Variants in ERICH1 observed in about 807,000 individuals in gnomAD.
ERICH1 encodes glutamate rich 1.
Under a neutral mutation model 39.6 loss-of-function variants are expected in ERICH1, and 56 were observed. That is an observed-to-expected ratio of 1.41 (90% CI 1.14 to 1.77). The LOEUF (loss-of-function observed/expected upper bound fraction) is 1.77, where lower values mean the gene tolerates loss of function less well. ERICH1 is among the 40% of genes most tolerant of loss of function. The pLI, the probability that ERICH1 is intolerant of heterozygous loss-of-function variation, is 0.00. For synonymous variants in ERICH1, 313 were observed against 223.6 expected (o/e 1.40, Z -3.57); for missense variants, 826 against 575.4 (o/e 1.44, Z -4.45).
At chr8:657,377 G>A (rs1625033) in intron 3 of ERICH1, among the ~76,000 whole-genome samples, 2,153 of 152,072 alleles carry the variant, frequency 0.014, 61 homozygotes, top group African/African-American at 0.048. Context: ...GTCTCTGGTC[G>A]GAAGGGAGGT....
At chr8:713,741 G>A (rs550182345) in intron 2 of ERICH1, among the ~76,000 whole-genome samples, 101 of 152,246 alleles carry the variant, frequency 6.6e-4, no homozygotes, top group African/African-American at 2.4e-3. Context: ...CTGAGATCCT[G>A]GTGCGCAGCT....
chr8:671,080 A>G (rs1251622844), intron 4 of ERICH1, among the ~76,000 whole-genome samples: 172 of 124,962 alleles, frequency 1.4e-3, no homozygotes, highest in East Asian at 3.5e-3. Context: ...TGAACCTGCC[A>G]GCCCCGGCTC....
At chr8:685,834 G>A (rs1255450817) in intron 3 of ERICH1, among the ~76,000 whole-genome samples, 2 of 151,944 alleles carry the variant, frequency 1.3e-5, no homozygotes, top group Admixed American at 6.6e-5. Context: ...TCAGCTTTGG[G>A]CAATTCATGT....
intron 2 of ERICH1, among the ~76,000 whole-genome samples, chr8:705,976 T>C (rs188666370): frequency 1.3e-5 from 2 of 152,324 alleles, no homozygotes; most frequent in East Asian, 1.9e-4. Flanking sequence ...CTGAAGATGA[T>C]AACGCTGTAT....
At chr8:635,797 C>T (rs1044325843) in intron 3 of ERICH1, among the ~76,000 whole-genome samples, 1 of 152,102 alleles carries the variant, frequency 6.6e-6, no homozygotes, top group African/African-American at 2.4e-5. Context: ...CTGTGGTCCA[C>T]ATGCGTGCTG....
At chr8:706,157 A>G (rs1398182645) in intron 2 of ERICH1, among the ~76,000 whole-genome samples, 2 of 152,218 alleles carry the variant, frequency 1.3e-5, no homozygotes, top group South Asian at 4.1e-4. Context: ...GTGTAAGCGC[A>G]CTTTGCTCAC....
At chr8:713,802 A>C (rs1418948439) in intron 2 of ERICH1, among the ~76,000 whole-genome samples, 2 of 152,166 alleles carry the variant, frequency 1.3e-5, no homozygotes, top group Admixed American at 1.3e-4. Context: ...CAGGAACACA[A>C]ATGCGTGGAG....
chr8:715,739 G>C, intron 2 of ERICH1, 122 bp downstream of exon 2: 1 of 1,347,160 alleles, frequency 7.4e-7, no homozygotes, highest in East Asian at 2.4e-5. Flanking sequence ...ACCTGCTGCA[G>C]GCCCTCTGCA....
chr8:654,907 A>T (rs1156994895), intron 3 of ERICH1, among the ~76,000 whole-genome samples: 1 of 152,190 alleles, frequency 6.6e-6, no homozygotes, highest in African/African-American at 2.4e-5. Context: ...CAAGCTGGAG[A>T]CAGCGGGTCA....
At chr8:636,703 G>A (rs936484933) in intron 3 of ERICH1, among the ~76,000 whole-genome samples, 23 of 152,364 alleles carry the variant, frequency 1.5e-4, no homozygotes, top group African/African-American at 5.3e-4. Context: ...TGCAGCCTCC[G>A]ACACTGTGAC....
In ERICH1 at chr8:674,003, GCTTC is replaced by G; in HGVS notation, c.345_348del (p.Arg115SerfsTer16). The G allele has an allele frequency of 6.3e-7, 1 of 1,580,310 alleles. No individual in the cohort carries two copies. The highest frequency in any genetic ancestry group is 1.7e-4 in the Middle Eastern group (1 of 5,760). On this transcript the variant is annotated frameshift_variant, in exon 4 of 6. Coordinates refer to ENST00000262109, the MANE Select transcript of ERICH1 (RefSeq NM_207332.3). LOFTEE classifies it high-confidence loss of function. Reference sequence around the variant, plus strand: ...TTTTTAAATTTTTTCTTTGATTTATGCTTCCTAATTCTTCTTCTCTTTGGCTGGT... The same window carrying G: ...TTTTTAAATTTTTTCTTTGATTTATGCTAATTCTTCTTCTCTTTGGCTGGT...
At chr8:698,899 G>GTTTT (rs4045087) in intron 2 of ERICH1, among the ~76,000 whole-genome samples, 1 of 140,394 alleles carries the variant, frequency 7.1e-6, no homozygotes, top group Non-Finnish European at 1.5e-5. Flanking sequence ...GTCTCTGTGA[G>GTTTT]TTTTTTTTTT....
chr8:685,647 T>C (rs544562164), intron 3 of ERICH1, among the ~76,000 whole-genome samples: 4 of 152,326 alleles, frequency 2.6e-5, no homozygotes, highest in African/African-American at 7.2e-5. Flanking sequence ...CATGAAATCT[T>C]CACAATTTAT....
chr8:653,956 C>A (rs770522585), intron 3 of ERICH1, among the ~76,000 whole-genome samples: 31 of 152,022 alleles, frequency 2.0e-4, no homozygotes, highest in African/African-American at 7.2e-4. Flanking sequence ...GGACAAATCC[C>A]GCAGGGTGGC....
chr8:715,871 C>T lies in ERICH1; in HGVS notation c.159G>A (p.Glu53=), dbSNP rs757944106. The part of the protein sequence containing the change: ...TSEKVSQKHA[E]PLTDTGSETP... ...TGCAGACAAACTCACCTGTCAAAGG[C>T]TCAGCATGTTTCTGGCTCACTTTCT... Residue 53 remains glutamate (E), a synonymous_variant, in exon 2 of 6, where the codon GAG becomes GAA. Coordinates refer to ENST00000262109, the MANE Select transcript of ERICH1 (RefSeq NM_207332.3). 15 of 1,612,356 alleles carry T rather than the reference C, an allele frequency of 9.3e-6. No homozygotes were observed. Among genetic ancestry groups the T allele is most frequent in the South Asian group, 1.1e-5 (1 of 90,730 alleles).
At chr8:713,490 A>C (rs1472030828) in intron 2 of ERICH1, among the ~76,000 whole-genome samples, 2 of 152,194 alleles carry the variant, frequency 1.3e-5, no homozygotes, top group Non-Finnish European at 2.9e-5. Context: ...AAGCATGCTT[A>C]GTGTAACCCC....
intron 3 of ERICH1, among the ~76,000 whole-genome samples, chr8:651,586 C>G (rs1472016984): frequency 6.6e-6 from 1 of 151,734 alleles, no homozygotes; most frequent in Non-Finnish European, 1.5e-5. Flanking sequence ...GGGAGAGAGA[C>G]GGAGAGCTGG....
intron 1 of ERICH1, among the ~76,000 whole-genome samples, chr8:727,837 A>G (rs1819131018): frequency 6.6e-6 from 1 of 152,204 alleles, no homozygotes; most frequent in Non-Finnish European, 1.5e-5. Context: ...CTGCAGGACA[A>G]GGAGTCAAAG....
chr8:634,575 C>G (rs1306125127), intron 3 of ERICH1, among the ~76,000 whole-genome samples: 2 of 152,338 alleles, frequency 1.3e-5, no homozygotes, highest in East Asian at 3.9e-4. Context: ...TTGCGGCTCA[C>G]TCCAGCTCTA....
Sources: gnomAD v4.1 joint callset for allele counts (sites outside exome capture counted in the v4.1 genomes callset) on GRCh38, gnomAD v4.1.1 for gene constraint, MANE v1.5 for transcripts, NCBI Gene and HGNC (gene_info 2026-07-23, HGNC 2026-07-21) for gene names.